The following EXOC2 variants were observed in gnomAD, a reference collection of about 807,000 sequenced individuals.
EXOC2 encodes exocyst complex component 2, also known as SEC5-like 1.
Under a neutral mutation model 131.8 loss-of-function variants are expected in EXOC2, and 70 were observed. The observed-to-expected ratio is 0.53, with a 90% confidence interval of 0.44 to 0.65. The LOEUF (loss-of-function observed/expected upper bound fraction) is 0.65, where lower values mean the gene tolerates loss of function less well. EXOC2 is among the 30% of genes least tolerant of loss of function. The pLI is 0.00. For missense variants in EXOC2, 923 were observed against 1,108.6 expected, an observed-to-expected ratio of 0.83 and a Z score of 2.38; for synonymous variants, 411 against 398.4, an observed-to-expected ratio of 1.03 and a Z score of -0.38.
At chr6:680,577 C>T (rs1764357101) in intron 1 of EXOC2, among the ~76,000 whole-genome samples, 1 of 152,170 alleles carries the variant, frequency 6.6e-6, no homozygotes, top group Admixed American at 6.5e-5. Flanking sequence ...TAGCCCACTT[C>T]CAGAGCCCTG....
intron 23 of EXOC2, among the ~76,000 whole-genome samples, chr6:502,709 G>A (rs750811717): frequency 6.6e-6 from 1 of 152,056 alleles, no homozygotes; most frequent in Non-Finnish European, 1.5e-5. Flanking sequence ...ATTTTGGGTC[G>A]AGCACAGGTT....
chr6:619,589 C>CA, intron 4 of EXOC2, 46 bp from the exon 5 acceptor site: 2 of 1,355,630 alleles, frequency 1.5e-6, no homozygotes, highest in Non-Finnish European at 2.1e-6. Flanking sequence ...GTTATTATGA[C>CA]AAAAATGGAA....
At chr6:692,326 GTTTTC>G (rs1390150535) in intron 1 of EXOC2, among the ~76,000 whole-genome samples, 2 of 152,234 alleles carry the variant, frequency 1.3e-5, no homozygotes. Context: ...TTACTAAAGT[GTTTTC>G]TTAACAATCT....
At chr6:607,894 T>G (rs1436770613) in intron 7 of EXOC2, among the ~76,000 whole-genome samples, 1 of 152,144 alleles carries the variant, frequency 6.6e-6, no homozygotes, top group Admixed American at 6.5e-5. Context: ...TCAAAACTGA[T>G]AAACTCTGAA....
At chr6:690,601 G>A (rs1764878541) in intron 1 of EXOC2, among the ~76,000 whole-genome samples, 1 of 152,184 alleles carries the variant, frequency 6.6e-6, no homozygotes. Flanking sequence ...TACTTGGGAG[G>A]CTGAGGCGGC....
intron 1 of EXOC2, among the ~76,000 whole-genome samples, chr6:646,953 T>C (rs528917458): frequency 2.6e-5 from 4 of 152,314 alleles, no homozygotes; most frequent in Non-Finnish European, 4.4e-5. Flanking sequence ...ACAGACATCA[T>C]GTTGCTCCAA....
At chr6:686,239 G>C (rs1764649674) in intron 1 of EXOC2, among the ~76,000 whole-genome samples, 1 of 151,660 alleles carries the variant, frequency 6.6e-6, no homozygotes, top group African/African-American at 2.4e-5. Context: ...TGGGATTACA[G>C]GTGTGAGCCG....
rs747654982 is a variant in EXOC2 at position 656,569 on chromosome 6, G to C, written c.-43-18708C>G. 1.5e-5 allele frequency: 24 copies of C among 1,592,220 alleles called. No homozygotes were observed. Among genetic ancestry groups the C allele is most frequent in the Non-Finnish European group, 1.8e-5 (21 of 1,170,346 alleles). On this transcript the variant is annotated intron_variant, in intron 1 of 27. Coordinates refer to ENST00000230449, the MANE Select transcript of EXOC2 (RefSeq NM_018303.6). ...ACGGGCAGATCGTGCACCACGCTGCGAGCGCGGCCCAGGGACGAGACCAGC... is the reference window on the plus strand; with the variant it reads ...ACGGGCAGATCGTGCACCACGCTGCCAGCGCGGCCCAGGGACGAGACCAGC...
intron 1 of EXOC2, among the ~76,000 whole-genome samples, chr6:654,590 A>G (rs775078946): frequency 2.5e-4 from 38 of 151,994 alleles, no homozygotes; most frequent in Non-Finnish European, 4.0e-4. Flanking sequence ...GCTTGAGGAC[A>G]GAAGTTCAAA....
intron 1 of EXOC2, among the ~76,000 whole-genome samples, chr6:651,828 C>A (rs1353541392): frequency 6.6e-6 from 1 of 151,682 alleles, no homozygotes; most frequent in South Asian, 2.1e-4. Context: ...GAGGCCGAGG[C>A]GGGCAGATCA....
chr6:561,621 C>G (rs1034316137), intron 17 of EXOC2, among the ~76,000 whole-genome samples: 1 of 152,016 alleles, frequency 6.6e-6, no homozygotes, highest in Non-Finnish European at 1.5e-5. Context: ...GAGTCTCGCT[C>G]TGTCACCAGG....
chr6:511,169 A>G (rs983510105), intron 23 of EXOC2, among the ~76,000 whole-genome samples: 1 of 152,228 alleles, frequency 6.6e-6, no homozygotes, highest in Non-Finnish European at 1.5e-5. Flanking sequence ...ATGGCCTGGC[A>G]CGCAAGATGG....
chr6:490,410 AAT>A (rs1400047168), intron 26 of EXOC2, among the ~76,000 whole-genome samples: 1 of 152,210 alleles, frequency 6.6e-6, no homozygotes, highest in Non-Finnish European at 1.5e-5. Flanking sequence ...GCCCACTAAA[AAT>A]GGCTGCTGGT....
chr6:551,147 C>T (rs190891896), intron 21 of EXOC2, among the ~76,000 whole-genome samples: 223 of 152,248 alleles, frequency 1.5e-3, no homozygotes, highest in African/African-American at 5.2e-3. Context: ...AAAACAACGC[C>T]GCCCATCAAA....
intron 4 of EXOC2, 113 bp downstream of exon 4, chr6:629,722 T>G: frequency 7.6e-7 from 1 of 1,309,686 alleles, no homozygotes; most frequent in Non-Finnish European, 1.0e-6. Flanking sequence ...AACTGAGGTG[T>G]CTTCAACTGT....
At chr6:646,546 A>G (rs1188597920) in intron 1 of EXOC2, among the ~76,000 whole-genome samples, 2 of 152,226 alleles carry the variant, frequency 1.3e-5, no homozygotes, top group Admixed American at 6.5e-5. Context: ...TTAAACACAA[A>G]CACATCCCAT....
At chr6:673,724 G>A (rs1414948513) in intron 1 of EXOC2, among the ~76,000 whole-genome samples, 1 of 151,984 alleles carries the variant, frequency 6.6e-6, no homozygotes, top group Non-Finnish European at 1.5e-5. Flanking sequence ...ATTTTGGCAG[G>A]GATCTCTCTC....
rs376947992 is a variant in EXOC2, at chr6:592,429, A to G, written c.1192+40T>C. On this transcript the variant is annotated intron_variant, in intron 11 of 27. Transcript: ENST00000230449. ...CATTCCCAGAATGCATCAAAATGAC[A>G]TGAAGGAATCACACAACACATTGGA... is the stretch of plus-strand genomic sequence containing the variant. 2.0e-6 allele frequency: 3 copies of G among 1,524,348 alleles called. No individual in the cohort carries two copies. The Admixed American group carries it at 5.1e-5, about 26-fold the overall frequency. 94.4% of individuals were successfully genotyped at this position (1,524,348 alleles called of 1,614,324 possible).
chr6:674,709 A>G (rs1161029903), intron 1 of EXOC2, among the ~76,000 whole-genome samples: 2 of 148,932 alleles, frequency 1.3e-5, no homozygotes, highest in Non-Finnish European at 3.0e-5. Context: ...CCTTGTATTA[A>G]CCATGTTTGT....
Sources: gnomAD v4.1 joint callset for allele counts (sites outside exome capture counted in the v4.1 genomes callset) on GRCh38, gnomAD v4.1.1 for gene constraint, MANE v1.5 for transcripts, NCBI Gene and HGNC (gene_info 2026-07-23, HGNC 2026-07-21) for gene names.